PTPN21: variants seen among roughly 807,000 people sequenced by gnomAD.
PTPN21 encodes the protein protein tyrosine phosphatase non-receptor type 21, also known as tyrosine-protein phosphatase non-receptor type 21.
Under a neutral mutation model 131.8 loss-of-function variants are expected in PTPN21, and 77 were observed. The ratio of observed to expected loss-of-function variants is 0.58; its 90% confidence interval spans 0.49 to 0.71. The LOEUF (loss-of-function observed/expected upper bound fraction) is 0.71, where lower values mean the gene tolerates loss of function less well. Ranked by LOEUF, PTPN21 falls within the 30% of genes least tolerant of loss-of-function variation. The pLI is 0.00. For synonymous variants in PTPN21, 715 were observed against 621.3 expected (o/e 1.15, Z -2.24); for missense variants, 1,552 against 1,527.1 (o/e 1.02, Z -0.27).
At chr14:88,523,703 AC>A (rs904454634) in intron 2 of PTPN21, among the ~76,000 whole-genome samples, 4 of 129,652 alleles carry the variant, frequency 3.1e-5, no homozygotes, top group African/African-American at 8.9e-5. Flanking sequence ...CTCCAAATCC[AC>A]CCCCCAACCG....
chr14:88,519,870 G>A (rs7155291), intron 2 of PTPN21, among the ~76,000 whole-genome samples: 143,234 of 152,244 alleles, frequency 0.94, 67,825 homozygotes, highest in Non-Finnish European at 1. Flanking sequence ...TATTCCAAGA[G>A]CTGTAGAGAT....
chr14:88,470,110 G>A, intron 15 of PTPN21, 60 bp from the exon 16 acceptor site: 1 of 1,520,970 alleles, frequency 6.6e-7, no homozygotes, highest in East Asian at 2.3e-5. Flanking sequence ...AGGTATGTAT[G>A]CATGCATTCA....
At chr14:88,503,021 T>G (rs2140133936) in intron 6 of PTPN21, among the ~76,000 whole-genome samples, 1 of 152,126 alleles carries the variant, frequency 6.6e-6, no homozygotes, top group East Asian at 1.9e-4. Context: ...AATTTCCACC[T>G]CTACCACACG....
At chr14:88,472,507 C>G in intron 14 of PTPN21, 42 bp from the exon 15 acceptor site, 1 of 1,212,832 alleles carries the variant, frequency 8.2e-7, no homozygotes. Flanking sequence ...TACAGCCACA[C>G]GTCGTGGCTA....
At chr14:88,514,581 C>T (rs1413581996) in intron 3 of PTPN21, among the ~76,000 whole-genome samples, 1 of 151,990 alleles carries the variant, frequency 6.6e-6, no homozygotes. Flanking sequence ...TGTCCTGCCT[C>T]AGCCTCCCGA....
chr14:88,497,933 A>T (rs902195353), intron 8 of PTPN21, among the ~76,000 whole-genome samples: 13 of 151,972 alleles, frequency 8.6e-5, no homozygotes, highest in Non-Finnish European at 1.5e-4. Flanking sequence ...CCCTGTCTCT[A>T]CTAAGAATAC....
At chr14:88,472,836 AAAAACCAAACC>A (rs2077492136) in intron 14 of PTPN21, among the ~76,000 whole-genome samples, 1 of 152,198 alleles carries the variant, frequency 6.6e-6, no homozygotes, top group Non-Finnish European at 1.5e-5. Context: ...CCTATCTCAA[AAAAACCAAACC>A]AAAACCAAAA....
chr14:88,523,841 A>G (rs1381915397), intron 2 of PTPN21, among the ~76,000 whole-genome samples: 1 of 152,126 alleles, frequency 6.6e-6, no homozygotes, highest in Non-Finnish European at 1.5e-5. Context: ...TATACCAGCA[A>G]TGTACATGTC....
rs114304488 is a variant in PTPN21, at chr14:88,484,809, A to C, written c.1078+267T>G. 9.4e-3 allele frequency among the ~76,000 whole-genome samples: 1,435 copies of C among 152,210 alleles called. 9 individuals carry two copies. Among genetic ancestry groups the C allele is most frequent in the African/African-American group, 0.033 (1,368 of 41,524 alleles). On this transcript the variant is annotated intron_variant, in intron 12 of 18. Coordinates refer to ENST00000556564, the MANE Select transcript of PTPN21 (RefSeq NM_007039.4). ...AAGCTGAGGCACAAGAATTGCTTGA[A>C]TCTAGGAGGTGGATGTTGCAGTGAG...
chr14:88,473,720 A>G lies in PTPN21; in HGVS notation c.2594T>C (p.Val865Ala). ...AALNGLSLSRVPLPDEGKEVA... is the reference protein window; with the variant it reads ...AALNGLSLSRAPLPDEGKEVA... Reference sequence around the variant, plus strand: ...TTCCTTTCCTTCATCAGGCAGAGGCACTCGAGATAGGGAGAGTCCATTTAG... The same window carrying G: ...TTCCTTTCCTTCATCAGGCAGAGGCGCTCGAGATAGGGAGAGTCCATTTAG... The change falls in exon 14 of 19, where the codon GTG (valine) becomes GCG (alanine). Residue 865 changes from valine (V) to alanine (A), a missense_variant. Val to Ala is a moderately conservative substitution (Grantham distance 64). Transcript: ENST00000556564. The G allele has an allele frequency of 1.2e-6, 2 of 1,613,036 alleles. No individual in the cohort carries two copies. The highest frequency in any genetic ancestry group is 1.7e-6 in the Non-Finnish European group (2 of 1,179,834).
intron 9 of PTPN21, among the ~76,000 whole-genome samples, chr14:88,496,907 A>G (rs1183604504): frequency 6.6e-6 from 1 of 152,208 alleles, no homozygotes; most frequent in Non-Finnish European, 1.5e-5. Context: ...TATCAATGAA[A>G]TTTAAGATAT....
intron 10 of PTPN21, among the ~76,000 whole-genome samples, chr14:88,489,544 G>T (rs371486928): frequency 2.0e-5 from 3 of 152,046 alleles, no homozygotes; most frequent in East Asian, 1.9e-4. Context: ...TTCAGAAGCT[G>T]AGGGCTGAGG....
intron 3 of PTPN21, among the ~76,000 whole-genome samples, chr14:88,511,210 C>T (rs1421268564): frequency 1.3e-5 from 2 of 152,016 alleles, no homozygotes; most frequent in South Asian, 2.1e-4. Flanking sequence ...GCTACCACAC[C>T]CAGCCATAAA....
In PTPN21 at chr14:88,479,792, G is replaced by A; in HGVS notation, c.1639C>T (p.Leu547=). The A allele has an allele frequency of 6.5e-7, 1 of 1,545,264 alleles. No homozygotes were observed. ...VSVPELTNAQ[L]QAQDYPSPNI... ...GGAGACGGGTAGTCCTGCGCCTGCA[G>A]CTGCGCATTGGTCAGCTCCGGCACG... The change falls in exon 13 of 19, where the codon CTG becomes TTG. Residue 547 remains leucine (L), a synonymous_variant. Coordinates refer to ENST00000556564, the MANE Select transcript of PTPN21 (RefSeq NM_007039.4).
At chr14:88,500,090 G>T (rs905091386) in intron 8 of PTPN21, among the ~76,000 whole-genome samples, 5 of 152,074 alleles carry the variant, frequency 3.3e-5, no homozygotes, top group Non-Finnish European at 7.4e-5. Flanking sequence ...TGGTATTTTA[G>T]GAATTTTGGT....
At chr14:88,518,273 T>TATATATATATACACACACAC (rs763756368) in intron 2 of PTPN21, among the ~76,000 whole-genome samples, 1 of 68,242 alleles carries the variant, frequency 1.5e-5, no homozygotes, top group African/African-American at 7.2e-5. Flanking sequence ...TATATATATA[T>TATATATATATACACACACAC]ACACACACAC....
At chr14:88,470,262 A>G in intron 15 of PTPN21, 2 of 574,650 alleles carry the variant, frequency 3.5e-6, no homozygotes, top group Non-Finnish European at 6.1e-6. Flanking sequence ...AAACTTAGGT[A>G]CTGTGAATAT....
chr14:88,520,402 C>A (rs2078370702), intron 2 of PTPN21, among the ~76,000 whole-genome samples: 1 of 132,582 alleles, frequency 7.5e-6, no homozygotes, highest in African/African-American at 3.0e-5. Flanking sequence ...CAAAGTGAGA[C>A]TCTGCCTTAA....
chr14:88,507,852 A>C, intron 4 of PTPN21, 71 bp downstream of exon 4: 1 of 902,754 alleles, frequency 1.1e-6, no homozygotes, highest in Non-Finnish European at 1.7e-6. Flanking sequence ...TAACTTAAAA[A>C]TCCCTTGCTA....
Sources: allele counts gnomAD v4.1 joint callset (sites outside exome capture counted in the v4.1 genomes callset), GRCh38; gene constraint gnomAD v4.1.1; transcripts MANE v1.5; gene names NCBI Gene and HGNC (gene_info 2026-07-23, HGNC 2026-07-21).